The following STAU2 variants were observed in gnomAD, a reference collection of about 807,000 sequenced individuals.
The protein encoded by STAU2 is double-stranded RNA-binding protein Staufen homolog 2.
STAU2 carries 20 observed loss-of-function variants against 65.9 expected under a neutral mutation model. The ratio of observed to expected loss-of-function variants is 0.30; its 90% CI spans 0.21 to 0.44. STAU2 has a LOEUF of 0.44. Among genes scored for constraint, STAU2 ranks in the 20% least tolerant of loss-of-function variants. The pLI is 1.00. For missense variants in STAU2, 558 were observed against 683.9 expected, an observed-to-expected ratio of 0.82 and a Z score of 2.05; for synonymous variants, 232 against 233.9, an observed-to-expected ratio of 0.99 and a Z score of 0.07.
chr8:73,625,737 A>T (rs1021089396), intron 6 of STAU2, among the ~76,000 whole-genome samples: 8 of 152,164 alleles, frequency 5.3e-5, no homozygotes, highest in South Asian at 2.1e-4. Context: ...TCATTTTTTT[A>T]AAAAATGTTG....
chr8:73,592,266 AAAGT>A (rs1184178400), intron 11 of STAU2, among the ~76,000 whole-genome samples: 1 of 152,112 alleles, frequency 6.6e-6, no homozygotes, highest in Non-Finnish European at 1.5e-5. Context: ...ATCAGAAATG[AAAGT>A]GAGTATCATT....
At chr8:73,512,178 T>C (rs1822443082) in intron 13 of STAU2, among the ~76,000 whole-genome samples, 1 of 152,212 alleles carries the variant, frequency 6.6e-6, no homozygotes, top group South Asian at 2.1e-4. Context: ...AATTCAGTAG[T>C]GTAAATGTTT....
intron 6 of STAU2, among the ~76,000 whole-genome samples, chr8:73,644,485 A>G (rs1226889996): frequency 6.6e-6 from 1 of 152,070 alleles, no homozygotes; most frequent in Non-Finnish European, 1.5e-5. Flanking sequence ...TCTGAGAAAA[A>G]AAAGAAAGAA....
intron 13 of STAU2, among the ~76,000 whole-genome samples, chr8:73,443,257 A>T (rs1818292077): frequency 6.6e-6 from 1 of 152,226 alleles, no homozygotes; most frequent in Non-Finnish European, 1.5e-5. Flanking sequence ...TTATGAATTA[A>T]TTTATCAAAA....
intron 9 of STAU2, among the ~76,000 whole-genome samples, chr8:73,611,923 C>G (rs1184420663): frequency 6.6e-6 from 1 of 152,144 alleles, no homozygotes; most frequent in Non-Finnish European, 1.5e-5. Context: ...CTCAAATGAT[C>G]CACCCGCCTC....
At chr8:73,470,111 ATCAAC>A (rs986636426) in intron 13 of STAU2, among the ~76,000 whole-genome samples, 5 of 152,166 alleles carry the variant, frequency 3.3e-5, no homozygotes, top group African/African-American at 1.2e-4. Context: ...TGTGGTGAGG[ATCAAC>A]TCTTCTTTAC....
intron 11 of STAU2, among the ~76,000 whole-genome samples, chr8:73,586,923 C>A (rs1035709054): frequency 6.6e-6 from 1 of 151,780 alleles, no homozygotes; most frequent in African/African-American, 2.4e-5. Context: ...TAAATAACAG[C>A]AAAAATAAAA....
intron 12 of STAU2, among the ~76,000 whole-genome samples, chr8:73,568,851 T>C (rs1020461560): frequency 1.3e-5 from 2 of 152,122 alleles, no homozygotes; most frequent in African/African-American, 4.8e-5. Flanking sequence ...AATGTTTTGA[T>C]TGGAGGTTCC....
chr8:73,651,310 G>A (rs1457328828), intron 6 of STAU2: 7 of 677,186 alleles, frequency 1.0e-5, no homozygotes, highest in African/African-American at 1.7e-5. Flanking sequence ...CCTTCACCAC[G>A]GAGCAGGTCC....
At chr8:73,605,454 G>A (rs1201544096) in intron 9 of STAU2, among the ~76,000 whole-genome samples, 6 of 151,484 alleles carry the variant, frequency 4.0e-5, no homozygotes, top group African/African-American at 4.9e-5. Context: ...GACTACAGGC[G>A]CACGCCACCA....
At chr8:73,498,915 AT>A (rs1233386231) in intron 13 of STAU2, among the ~76,000 whole-genome samples, 1 of 151,838 alleles carries the variant, frequency 6.6e-6, no homozygotes, top group African/African-American at 2.4e-5. Context: ...CTGTGAAGAC[AT>A]TTTGCAGATG....
intron 6 of STAU2, among the ~76,000 whole-genome samples, chr8:73,659,292 C>T (rs1279318800): frequency 3.9e-5 from 6 of 152,166 alleles, no homozygotes; most frequent in Non-Finnish European, 7.3e-5. Context: ...AATCCCAGCA[C>T]TTTGGGAGGC....
At chr8:73,689,861 A>G (rs765545495) in intron 4 of STAU2, among the ~76,000 whole-genome samples, 5 of 152,170 alleles carry the variant, frequency 3.3e-5, no homozygotes, top group African/African-American at 1.2e-4. Context: ...TGAGAAGTAT[A>G]TATCAACAAC....
At chr8:73,675,047 A>C (rs953396780) in intron 5 of STAU2, among the ~76,000 whole-genome samples, 1 of 151,754 alleles carries the variant, frequency 6.6e-6, no homozygotes, top group African/African-American at 2.4e-5. Context: ...CATAAGCCAC[A>C]AAACAAGTCA....
intron 13 of STAU2, among the ~76,000 whole-genome samples, chr8:73,431,453 A>G (rs1265568922): frequency 6.6e-6 from 1 of 152,328 alleles, no homozygotes; most frequent in East Asian, 1.9e-4. Context: ...AGTGGATGAC[A>G]TTTCCTTTCC....
chr8:73,587,058 C>A (rs967798438), intron 11 of STAU2, among the ~76,000 whole-genome samples: 1 of 152,080 alleles, frequency 6.6e-6, no homozygotes, highest in Admixed American at 6.5e-5. Context: ...CTCAGAACCC[C>A]TGAGAAAATA....
At chr8:73,608,409 C>G (rs1812190757) in intron 9 of STAU2, among the ~76,000 whole-genome samples, 1 of 151,808 alleles carries the variant, frequency 6.6e-6, no homozygotes, top group African/African-American at 2.4e-5. Context: ...GAGTTCGAGA[C>G]CAGCCTGACC....
intron 11 of STAU2, among the ~76,000 whole-genome samples, chr8:73,589,317 T>C (rs1334727485): frequency 6.6e-6 from 1 of 152,152 alleles, no homozygotes; most frequent in African/African-American, 2.4e-5. Flanking sequence ...CCAACACTCA[T>C]TCAAAAATTA....
chr8:73,486,611 T>TTATATATATATATA (rs138537650), intron 13 of STAU2, among the ~76,000 whole-genome samples: 2 of 143,646 alleles, frequency 1.4e-5, no homozygotes, highest in African/African-American at 5.1e-5. Context: ...AAAATATCCA[T>TTATATATATATATA]TATATATATA....
Sources: gnomAD v4.1 joint callset for allele counts (sites outside exome capture counted in the v4.1 genomes callset) on GRCh38, gnomAD v4.1.1 for gene constraint, MANE v1.5 for transcripts, NCBI Gene and HGNC (gene_info 2026-07-23, HGNC 2026-07-21) for gene names.